Variants in KBTBD11 observed in about 807,000 individuals in gnomAD.
The protein encoded by KBTBD11 is kelch repeat and BTB domain-containing protein 11.
For missense variants in KBTBD11, 1,390 were observed against 1,001.8 expected, an observed-to-expected ratio of 1.39 and a Z score of -5.23; for synonymous variants, 747 against 499.0, an observed-to-expected ratio of 1.50 and a Z score of -6.63.
At chr8:1,976,788 C>T (rs368853342) in intron 1 of KBTBD11, among the ~76,000 whole-genome samples, 2 of 152,192 alleles carry the variant, frequency 1.3e-5, no homozygotes, top group Non-Finnish European at 2.9e-5. Flanking sequence ...AATGTTAGGC[C>T]GAGAACTAAG....
At position 2,002,835 on chromosome 8, in the gene KBTBD11, C is replaced by T. The variant is rs769586496; in HGVS notation, c.1643C>T (p.Thr548Met). Residue 548 changes from threonine (T) to methionine (M), a missense_variant, in exon 2 of 2, where the codon ACG becomes ATG. Coordinates refer to ENST00000320248, the MANE Select transcript of KBTBD11 (RefSeq NM_014867.3). This position sits in a 1 kb window ranked among gnomAD's most constrained non-coding sequence, Gnocchi z 4.1. ...CCCCTGCGCCTCCCCGGCGGCCCCA[C>T]GGGCCTGCAGCCCTTCCGCTGCGCC... The part of the protein sequence containing the change: ...VAPLRLPGGP[T>M]GLQPFRCAAL... The T allele has an allele frequency of 3.8e-5, 54 of 1,422,712 alleles. No individual in the cohort carries two copies. Among genetic ancestry groups the T allele is most frequent in the African/African-American group, 4.5e-5 (3 of 66,230 alleles). The allele number at this position is 1,422,712 out of a possible 1,614,324, so 88.1% of individuals were successfully genotyped here. A position where few individuals can be genotyped will look rare whatever the true frequency, so the allele number is the denominator to read the frequency against.
intron 1 of KBTBD11, among the ~76,000 whole-genome samples, chr8:1,996,493 C>G (rs1021465906): frequency 2.6e-5 from 4 of 152,100 alleles, no homozygotes; most frequent in African/African-American, 9.7e-5. Flanking sequence ...GTCTTGAACT[C>G]CTGACCTCAG....
intron 1 of KBTBD11, among the ~76,000 whole-genome samples, chr8:1,986,646 C>G (rs77828847): frequency 6.6e-6 from 1 of 152,152 alleles, no homozygotes; most frequent in Non-Finnish European, 1.5e-5. Flanking sequence ...TGGTGATTAA[C>G]TGTACTTAGG....
Position 1,973,683 on chromosome 8 carries a change from C to T in KBTBD11, c.-1161C>T. 2.0e-6 allele frequency: 2 copies of T among 982,922 alleles called. No individual in the cohort carries two copies. The highest frequency in any genetic ancestry group is 2.4e-6 in the Non-Finnish European group (2 of 828,478). 60.9% of individuals were successfully genotyped at this position (982,922 alleles called of 1,614,324 possible). ...CGCGCCCGCCCCCCTCCCCGCGCCC[C>T]GCGCGCGCCCCTCGCAGCCTGGAGC... On this transcript the variant is annotated 5_prime_UTR_variant, in exon 1 of 2. Coordinates refer to ENST00000320248, the MANE Select transcript of KBTBD11 (RefSeq NM_014867.3).
chr8:1,975,995 CAT>C (rs912481354), intron 1 of KBTBD11: 1 of 152,202 alleles, frequency 6.6e-6, no homozygotes, highest in African/African-American at 2.4e-5. Flanking sequence ...CATCTGGGCA[CAT>C]GTTTCAGTTG....
At chr8:1,977,381 A>G (rs565932039) in intron 1 of KBTBD11, among the ~76,000 whole-genome samples, 1 of 151,658 alleles carries the variant, frequency 6.6e-6, no homozygotes, top group Admixed American at 6.6e-5. Context: ...GGACATACAT[A>G]TGGGTGTGGT....
intron 1 of KBTBD11, among the ~76,000 whole-genome samples, chr8:1,994,330 T>C (rs1263612270): frequency 6.6e-6 from 1 of 152,208 alleles, no homozygotes; most frequent in Non-Finnish European, 1.5e-5. Context: ...GCACCCTGAC[T>C]TGCTTGGATT....
At chr8:1,981,438 A>C (rs575223528) in intron 1 of KBTBD11, among the ~76,000 whole-genome samples, 45 of 152,356 alleles carry the variant, frequency 3.0e-4, no homozygotes, top group African/African-American at 1.0e-3. Context: ...CTACATCTTC[A>C]GTATGAAGGC....
Position 2,002,092 on chromosome 8 carries a change from G to A in KBTBD11, c.900G>A (p.Ala300=), listed in dbSNP as rs1330649679. Residue 300 remains alanine (A), a synonymous_variant, in exon 2 of 2, where the codon GCG becomes GCA. Coordinates refer to ENST00000320248, the MANE Select transcript of KBTBD11 (RefSeq NM_014867.3). The surrounding 1 kb of genome is among the most constrained non-coding windows in gnomAD (Gnocchi z 4.1). ...GCCGCGCCCACCTCTTGGCCGCGGC[G>A]CTCGGGCCGGCGGGGGAGCGCGCGG... ...RAGRAHLLAA[A]LGPAGERAGS... The A allele has an allele frequency of 3.1e-5, 34 of 1,092,026 alleles. No individual in the cohort carries two copies. Among genetic ancestry groups the A allele is most frequent in the Non-Finnish European group, 3.3e-5 (30 of 902,272 alleles). 67.6% of individuals were successfully genotyped at this position (1,092,026 alleles called of 1,614,324 possible). A position where few individuals can be genotyped will look rare whatever the true frequency, so the allele number is the denominator to read the frequency against.
Position 2,000,936 on chromosome 8 carries a change from C to T in KBTBD11, c.-257C>T, listed in dbSNP as rs1438202434. On this transcript the variant is annotated 5_prime_UTR_variant, in exon 2 of 2. Coordinates refer to ENST00000320248, the MANE Select transcript of KBTBD11 (RefSeq NM_014867.3). Reference sequence around the variant, plus strand: ...GACTTTCTGGGCAGATTTAAAGTGGCTGGGGTTCAGAAGTTCAGCAAGTCG... The same window carrying T: ...GACTTTCTGGGCAGATTTAAAGTGGTTGGGGTTCAGAAGTTCAGCAAGTCG... 14 of 399,936 alleles carry T rather than the reference C, an allele frequency of 3.5e-5. No homozygotes were observed. Among genetic ancestry groups the T allele is most frequent in the Admixed American group, 1.3e-4 (3 of 22,336 alleles). 24.8% of individuals were successfully genotyped at this position (399,936 alleles called of 1,614,324 possible). A position where few individuals can be genotyped will look rare whatever the true frequency, so the allele number is the denominator to read the frequency against.
chr8:2,001,718 G>T lies in KBTBD11; in HGVS notation c.526G>T (p.Val176Leu), dbSNP rs763137446. The change falls in exon 2 of 2, where the codon GTG (valine) becomes TTG (leucine). Residue 176 changes from valine (V) to leucine (L), a missense_variant. Coordinates refer to ENST00000320248, the MANE Select transcript of KBTBD11 (RefSeq NM_014867.3). ...RARASRDVLR[V>L]QGVSLTALRL... ...GCGCGCGTCGCGGGACGTGCTGCGG[G>T]TGCAGGGAGTGAGCCTGACGGCGCT... The T allele has an allele frequency of 7.8e-6, 11 of 1,413,678 alleles. No homozygotes were observed. Among genetic ancestry groups the T allele is most frequent in the African/African-American group, 4.5e-5 (3 of 66,488 alleles). 87.6% of individuals were successfully genotyped at this position (1,413,678 alleles called of 1,614,324 possible).
rs1300724731 is a variant in KBTBD11, at chr8:2,003,046, G to A, written c.1854G>A (p.Gly618=). 1 of 1,269,786 alleles carries A rather than the reference G, an allele frequency of 7.9e-7. No homozygotes were observed. The allele number at this position is 1,269,786 out of a possible 1,614,324, so 78.7% of individuals were successfully genotyped here. ...GCCTGCCTGAGAAGCCGCCCCGAGG[G>A]GAGCAGGGCGCCCCGTAGGCCGGCG... ...ALSLPEKPPR[G]EQGAP Residue 618 remains glycine, a synonymous_variant, in exon 2 of 2, where the codon GGG becomes GGA. Transcript: ENST00000320248.
At position 2,004,880 on chromosome 8, in the gene KBTBD11, C is replaced by T. The variant is rs571111400; in HGVS notation, c.*1816C>T. 1 of 167,124 alleles carries T rather than the reference C, an allele frequency of 6.0e-6. No homozygotes were observed. The highest frequency in any genetic ancestry group is 1.9e-4 in the East Asian group (1 of 5,196). 10.4% of individuals were successfully genotyped at this position (167,124 alleles called of 1,614,324 possible). A position where few individuals can be genotyped will look rare whatever the true frequency, so the allele number is the denominator to read the frequency against. On this transcript the variant is annotated 3_prime_UTR_variant, in exon 2 of 2. Transcript: ENST00000320248. ...TAAGCAATGTACCATTCACACTGTC[C>T]TGCCTTTTCCTCTAGAATTTTATTA...
rs1170583105 is a variant in KBTBD11, at chr8:1,973,838, C to G, written c.-1006C>G. 2 of 982,964 alleles carry G rather than the reference C, an allele frequency of 2.0e-6. No homozygotes were observed. Among genetic ancestry groups the G allele is most frequent in the African/African-American group, 1.8e-5 (1 of 56,874 alleles). The allele number at this position is 982,964 out of a possible 1,614,324, so 60.9% of individuals were successfully genotyped here. A position where few individuals can be genotyped will look rare whatever the true frequency, so the allele number is the denominator to read the frequency against. On this transcript the variant is annotated 5_prime_UTR_variant, in exon 1 of 2. Coordinates refer to ENST00000320248, the MANE Select transcript of KBTBD11 (RefSeq NM_014867.3). ...GGTGCTCGGAGAGGCCGGGCCGCGG[C>G]TCCCACAGGTGCCGGGAAGCGGCCG...
chr8:1,993,608 C>T (rs1223630521), intron 1 of KBTBD11, among the ~76,000 whole-genome samples: 1 of 149,280 alleles, frequency 6.7e-6, no homozygotes. Context: ...CTTACACAGT[C>T]CAGCCTGTGC....
rs1018310148 is a variant in KBTBD11, at chr8:2,003,983, C to A, written c.*919C>A. ...AATATTCCTAAAAAGCGGGGAAAAT[C>A]ATTTTGCTTTGACAGTTCTATAAAA... On this transcript the variant is annotated 3_prime_UTR_variant, in exon 2 of 2. Transcript: ENST00000320248. 4.2e-5 allele frequency: 7 copies of A among 166,860 alleles called. No individual in the cohort carries two copies. The highest frequency in any genetic ancestry group is 1.2e-4 in the African/African-American group (5 of 41,548). The allele number at this position is 166,860 out of a possible 1,614,324, so 10.3% of individuals were successfully genotyped here.
At chr8:1,997,019 G>A (rs1427595209) in intron 1 of KBTBD11, among the ~76,000 whole-genome samples, 1 of 151,460 alleles carries the variant, frequency 6.6e-6, no homozygotes, top group Non-Finnish European at 1.5e-5. Context: ...CGCGCCCCCC[G>A]TGCCTTCCAT....
chr8:1,999,095 A>G (rs1226645157), intron 1 of KBTBD11, among the ~76,000 whole-genome samples: 1 of 152,192 alleles, frequency 6.6e-6, no homozygotes, highest in Non-Finnish European at 1.5e-5. Flanking sequence ...ATCTTATGAC[A>G]ATTCTATGCA....
At chr8:1,975,814 G>T (rs575853068) in intron 1 of KBTBD11, 1 of 152,208 alleles carries the variant, frequency 6.6e-6, no homozygotes, top group East Asian at 1.9e-4. Context: ...GGAAGAATCC[G>T]GAAAGGTGGT....
Sources: allele counts gnomAD v4.1 joint callset (sites outside exome capture counted in the v4.1 genomes callset), GRCh38; gene constraint gnomAD v4.1.1; non-coding constraint Gnocchi (gnomAD v3.1); transcripts MANE v1.5; gene names NCBI Gene and HGNC (gene_info 2026-07-23, HGNC 2026-07-21).